Variants in HIVEP2 observed in about 807,000 individuals in gnomAD.
HIVEP2 encodes the protein HIVEP zinc finger 2.
HIVEP2 carries 14 observed loss-of-function variants against 180.7 expected under a neutral mutation model. That is an observed-to-expected ratio of 0.08 (90% CI 0.05 to 0.12). HIVEP2 has a LOEUF of 0.12. Among genes scored for constraint, HIVEP2 ranks in the 10% least tolerant of loss-of-function variants. The probability of loss-of-function intolerance (pLI) is 1.00; values close to 1 mark genes in which losing one functional copy is unlikely to be tolerated. For synonymous variants in HIVEP2, 1,184 were observed against 1,136.4 expected (o/e 1.04, Z -0.84); for missense variants, 2,579 against 3,008.5 (o/e 0.86, Z 3.34).
intron 2 of HIVEP2, among the ~76,000 whole-genome samples, chr6:142,790,552 G>C (rs1328822651): frequency 6.6e-6 from 1 of 152,052 alleles, no homozygotes; most frequent in African/African-American, 2.4e-5. Flanking sequence ...CCAATGTACT[G>C]TTTTCTCAAG....
chr6:142,931,194 A>T (rs531362437), intron 1 of HIVEP2, among the ~76,000 whole-genome samples: 22 of 152,092 alleles, frequency 1.4e-4, no homozygotes, highest in Non-Finnish European at 2.6e-4. Flanking sequence ...GGCAGTCTAG[A>T]GCTCAAGTAG....
rs1252252380 is a variant in HIVEP2, at chr6:142,803,598, A to AC, written c.-527-19984_-527-19983insG. 1.7e-4 allele frequency among the ~76,000 whole-genome samples: 7 copies of AC among 41,898 alleles called. No homozygotes were observed. The East Asian group carries it at 3.9e-3, about 23-fold the overall frequency. 27.5% of individuals were successfully genotyped at this position (41,898 alleles called of 152,430 possible). ...ACACACACACACACACACACACACA[A>AC]AACTCAGGACACAAAGAGAAGATAT... On this transcript the variant is annotated intron_variant, in intron 2 of 9. Transcript: ENST00000367603.
intron 1 of HIVEP2, among the ~76,000 whole-genome samples, chr6:142,856,966 A>G (rs942318429): frequency 1.3e-5 from 2 of 152,130 alleles, no homozygotes; most frequent in African/African-American, 4.8e-5. Flanking sequence ...AGCATTCTAC[A>G]TTATTCAAAA....
At chr6:142,780,236 C>A (rs930102769) in intron 3 of HIVEP2, among the ~76,000 whole-genome samples, 3 of 152,174 alleles carry the variant, frequency 2.0e-5, no homozygotes, top group African/African-American at 7.2e-5. Flanking sequence ...GGTGATATCC[C>A]ACGCCATGCT....
rs1169410392 is a variant in HIVEP2 at position 142,751,895 on chromosome 6, G to C, written c.*1212C>G. On this transcript the variant is annotated 3_prime_UTR_variant, in exon 10 of 10. Transcript: ENST00000367603. ...GCTGACAGGAAGAGCTGGGGAGCAGGTCTCCATCTCCTTTTCCCCCTTCCA... is the reference window on the plus strand; with the variant it reads ...GCTGACAGGAAGAGCTGGGGAGCAGCTCTCCATCTCCTTTTCCCCCTTCCA... The C allele has an allele frequency of 1.3e-5, 2 of 153,028 alleles. No individual in the cohort carries two copies. Among genetic ancestry groups the C allele is most frequent in the East Asian group, 3.9e-4 (2 of 5,190 alleles). 9.5% of individuals were successfully genotyped at this position (153,028 alleles called of 1,614,324 possible). A position where few individuals can be genotyped will look rare whatever the true frequency, so the allele number is the denominator to read the frequency against.
chr6:142,781,348 G>A (rs1351772050), intron 3 of HIVEP2, among the ~76,000 whole-genome samples: 1 of 152,148 alleles, frequency 6.6e-6, no homozygotes, highest in African/African-American at 2.4e-5. Flanking sequence ...CCCACACAAA[G>A]TCATTTTTGG....
At chr6:142,924,265 G>A (rs1043347459) in intron 1 of HIVEP2, among the ~76,000 whole-genome samples, 5 of 151,992 alleles carry the variant, frequency 3.3e-5, no homozygotes, top group South Asian at 2.1e-4. Flanking sequence ...AATTATGACC[G>A]AAGACTACAA....
Position 142,764,678 on chromosome 6 carries a change from G to A in HIVEP2, c.5518+121C>T. On this transcript the variant is annotated intron_variant, in intron 7 of 9. Transcript: ENST00000367603. ...CTTGAGGGAGAAAATATATTTCGTG[G>A]AATCATATTTTCACAAACAAACTAT... The A allele has an allele frequency of 3.9e-6, 3 of 768,716 alleles. No individual in the cohort carries two copies. The South Asian group carries it at 5.1e-5, about 13-fold the overall frequency. The allele number at this position is 768,716 out of a possible 1,614,324, so 47.6% of individuals were successfully genotyped here.
chr6:142,793,673 T>TTCTTTCTTTCTTTCTTTCTCTC (rs1289211652), intron 2 of HIVEP2, among the ~76,000 whole-genome samples: 1 of 107,424 alleles, frequency 9.3e-6, no homozygotes, highest in African/African-American at 3.7e-5. Context: ...CTTTCTTTCT[T>TTCTTTCTTTCTTTCTTTCTCTC]TCTCTCTCTC....
intron 2 of HIVEP2, among the ~76,000 whole-genome samples, chr6:142,789,923 T>C (rs1776097678): frequency 1.3e-5 from 2 of 152,198 alleles, no homozygotes; most frequent in Non-Finnish European, 2.9e-5. Context: ...AACAAAAATT[T>C]TAATTTTTCC....
At position 142,771,681 on chromosome 6, in the gene HIVEP2, C is replaced by G. The variant is rs774979801; in HGVS notation, c.3058G>C (p.Gly1020Arg). 2 of 1,614,156 alleles carry G rather than the reference C, an allele frequency of 1.2e-6. No homozygotes were observed. The highest frequency in any genetic ancestry group is 1.7e-6 in the Non-Finnish European group (2 of 1,180,024). Residue 1020 changes from glycine to arginine, a missense_variant, in exon 5 of 10, where the codon GGC becomes CGC. Gly to Arg is a moderately radical substitution (Grantham distance 125, BLOSUM62 -2). Around this residue, in one of 11 missense-constraint regions of HIVEP2, gnomAD observed 523 missense variants for 577.0 expected, o/e 0.91. Coordinates refer to ENST00000367603, the MANE Select transcript of HIVEP2 (RefSeq NM_006734.4). The surrounding 1 kb of genome is among the most constrained non-coding windows in gnomAD (Gnocchi z 5.4). ...CGCATCTCTTTCTGGTGGTGATGGC[C>G]TGGGACAGACAATGAGTATGAACCA... ...PAGSYSLSVP[G>R]HHHQKEMRRC...
At chr6:142,760,820 T>C (rs1310754435) in intron 8 of HIVEP2, among the ~76,000 whole-genome samples, 153 bp from the exon 9 acceptor site, 4 of 152,222 alleles carry the variant, frequency 2.6e-5, no homozygotes, top group Non-Finnish European at 4.4e-5. Context: ...GGCACTTACC[T>C]GTGTGACCCT....
At chr6:142,867,847 T>C (rs1776179369) in intron 1 of HIVEP2, among the ~76,000 whole-genome samples, 1 of 152,184 alleles carries the variant, frequency 6.6e-6, no homozygotes, top group Non-Finnish European at 1.5e-5. Flanking sequence ...ACAATTCCAA[T>C]AGGATCCCAT....
intron 2 of HIVEP2, among the ~76,000 whole-genome samples, chr6:142,803,566 T>TACACACACAC (rs10688831): frequency 0.069 from 9,783 of 141,618 alleles, 509 homozygotes; most frequent in East Asian, 0.22. Context: ...ATATATAGCA[T>TACACACACAC]ACACACACAC....
At chr6:142,899,650 C>A (rs1455901489) in intron 1 of HIVEP2, among the ~76,000 whole-genome samples, 1 of 152,194 alleles carries the variant, frequency 6.6e-6, no homozygotes, top group Non-Finnish European at 1.5e-5. Context: ...AAGAATAGAT[C>A]ATTTATCTTT....
intron 2 of HIVEP2, among the ~76,000 whole-genome samples, chr6:142,791,559 C>T (rs192326160): frequency 6.6e-6 from 1 of 152,260 alleles, no homozygotes; most frequent in Admixed American, 6.5e-5. Context: ...TCCTATTGGG[C>T]AAATTCTGTC....
In HIVEP2 at chr6:142,769,607, T is replaced by A. The variant is rs751091645; in HGVS notation, c.5132A>T (p.His1711Leu). The change falls in exon 5 of 10, where the codon CAT becomes CTT. Residue 1711 changes from histidine (H) to leucine (L), a missense_variant. Physicochemically the swap from His to Leu is moderately conservative, Grantham distance 99. This residue lies in a region of HIVEP2 where 349 missense variants were observed against 367.2 expected (regional missense o/e 0.95). Transcript: ENST00000367603. ...TGTAAGCTTGCCGGTTCCAGGCCTA[T>A]GCATAGCAGCCAGAGTATAAATTTC... ...TAEIYTLAAMHRPGTGKLTSS... is the reference protein window; with the variant it reads ...TAEIYTLAAMLRPGTGKLTSS... 9 of 1,614,094 alleles carry A rather than the reference T, an allele frequency of 5.6e-6. No homozygotes were observed. Among genetic ancestry groups the A allele is most frequent in the African/African-American group, 1.3e-5 (1 of 74,932 alleles).
At position 142,793,676 on chromosome 6, in the gene HIVEP2, TC is replaced by T. The variant is rs1427250298; in HGVS notation, c.-527-10062del. Among the ~76,000 whole-genome samples the T allele has an allele frequency of 1.6e-3, 229 of 138,830 alleles. 1 individual carries two copies. Among genetic ancestry groups the T allele is most frequent in the African/African-American group, 4.2e-3 (153 of 36,296 alleles). 91.1% of individuals were successfully genotyped at this position (138,830 alleles called of 152,430 possible). ...TCTTTCTTTTTTCTTTCTTTCTTTC[TC>T]TCTCTCTCTCTCTCTCTCTCTGTCT... is the stretch of plus-strand genomic sequence containing the variant. On this transcript the variant is annotated intron_variant, in intron 2 of 9. Coordinates refer to ENST00000367603, the MANE Select transcript of HIVEP2 (RefSeq NM_006734.4).
chr6:142,877,813 A>G (rs1776482333), intron 1 of HIVEP2, among the ~76,000 whole-genome samples: 1 of 152,232 alleles, frequency 6.6e-6, no homozygotes, highest in Non-Finnish European at 1.5e-5. Context: ...GTGAGGTACC[A>G]TGAGGTACAA....
Sources: gnomAD v4.1 joint callset for allele counts (sites outside exome capture counted in the v4.1 genomes callset) on GRCh38, gnomAD v4.1.1 for gene constraint, gnomAD v4.1.1 regional missense constraint, Gnocchi (gnomAD v3.1) non-coding constraint, MANE v1.5 for transcripts, NCBI Gene and HGNC (gene_info 2026-07-23, HGNC 2026-07-21) for gene names.